Variants in TTC7B observed in about 807,000 individuals in gnomAD.
TTC7B encodes tetratricopeptide repeat protein 7B.
In TTC7B, 28 loss-of-function variants were observed where a neutral mutation model predicts 106.8. That is an observed-to-expected ratio of 0.26 (90% CI 0.19 to 0.36). TTC7B has a LOEUF of 0.36. Among genes scored for constraint, TTC7B ranks in the 10% least tolerant of loss-of-function variants. The probability of loss-of-function intolerance (pLI) is 1.00; values close to 1 mark genes in which losing one functional copy is unlikely to be tolerated. For synonymous variants in TTC7B, 405 were observed against 430.6 expected (o/e 0.94, Z 0.74); for missense variants, 862 against 1,076.4 (o/e 0.80, Z 2.79).
intron 4 of TTC7B, among the ~76,000 whole-genome samples, chr14:90,732,653 C>T (rs1044847102): frequency 1.3e-5 from 2 of 152,194 alleles, no homozygotes; most frequent in Non-Finnish European, 2.9e-5. Flanking sequence ...GCTGAGATTA[C>T]AGGCATGAGC....
intron 6 of TTC7B, among the ~76,000 whole-genome samples, chr14:90,693,344 A>T (rs1420125797): frequency 6.6e-6 from 1 of 152,190 alleles, no homozygotes; most frequent in Non-Finnish European, 1.5e-5. Flanking sequence ...AAAGAATTCA[A>T]GTCAACAGGA....
intron 2 of TTC7B, among the ~76,000 whole-genome samples, chr14:90,781,608 G>A (rs1196456745): frequency 1.3e-5 from 2 of 152,202 alleles, no homozygotes; most frequent in Non-Finnish European, 2.9e-5. Context: ...AGACATCCTG[G>A]TGGGTCTGGC....
At chr14:90,655,361 A>G (rs1885903884) in intron 11 of TTC7B, among the ~76,000 whole-genome samples, 1 of 152,002 alleles carries the variant, frequency 6.6e-6, no homozygotes. Flanking sequence ...AGTTGCTTTC[A>G]TATTTGGTGG....
At chr14:90,549,127 CAAAAA>C (rs34890535) in intron 19 of TTC7B, among the ~76,000 whole-genome samples, 1 of 103,620 alleles carries the variant, frequency 9.7e-6, no homozygotes, top group African/African-American at 3.4e-5. Flanking sequence ...GACTCCGTCT[CAAAAA>C]AAAAAAAAAA....
chr14:90,579,178 T>G (rs746219852), intron 18 of TTC7B, among the ~76,000 whole-genome samples: 28 of 152,240 alleles, frequency 1.8e-4, no homozygotes, highest in Non-Finnish European at 3.4e-4. Flanking sequence ...CACCACCATC[T>G]TTCTAGTCAG....
chr14:90,665,621 C>T (rs10149267), intron 9 of TTC7B, among the ~76,000 whole-genome samples: 34,566 of 152,212 alleles, frequency 0.23, 4,216 homozygotes, highest in Non-Finnish European at 0.28. Context: ...CCAAATCCCA[C>T]TGGGGAGGGG....
intron 1 of TTC7B, among the ~76,000 whole-genome samples, chr14:90,791,627 C>T (rs762343629): frequency 2.6e-5 from 4 of 152,118 alleles, no homozygotes; most frequent in Admixed American, 6.6e-5. Context: ...AGGTGTTGCA[C>T]GCAGCTTCTG....
rs1891731973 is a variant in TTC7B, at chr14:90,795,160, CT to C, written c.122-8833del. On this transcript the variant is annotated intron_variant, in intron 1 of 19. Coordinates refer to ENST00000328459, the MANE Select transcript of TTC7B (RefSeq NM_001010854.2). ...TCAAAACATTAAAGCTAGACTTTTA[CT>C]TCCAGCCAAGAAAGAGTAATAGGGA... Among the ~76,000 whole-genome samples the C allele has an allele frequency of 2.0e-5, 3 of 152,206 alleles. No individual in the cohort carries two copies. The South Asian group carries it at 6.2e-4, about 32-fold the overall frequency.
At chr14:90,715,430 A>C (rs965015085) in intron 5 of TTC7B, among the ~76,000 whole-genome samples, 1 of 152,030 alleles carries the variant, frequency 6.6e-6, no homozygotes, top group East Asian at 1.9e-4. Flanking sequence ...CTTTCCCTCT[A>C]TGGGAGCTGG....
rs573582070 is a variant in TTC7B at position 90,742,953 on chromosome 14, T to C, written c.576+1839A>G. ...GTAAGCAGCAAGATAGGGCCCTAAGTGGCCAGGGCTGTGTAGTCAGCTGGA... is the reference window on the plus strand; with the variant it reads ...GTAAGCAGCAAGATAGGGCCCTAAGCGGCCAGGGCTGTGTAGTCAGCTGGA... On this transcript the variant is annotated intron_variant, in intron 4 of 19. Transcript: ENST00000328459. The surrounding 1 kb of genome is among the most constrained non-coding windows in gnomAD (Gnocchi z 4.1). Among the ~76,000 whole-genome samples, 227 of 152,262 alleles carry C rather than the reference T, an allele frequency of 1.5e-3. 1 individual carries two copies. Among genetic ancestry groups the C allele is most frequent in the African/African-American group, 5.1e-3 (210 of 41,546 alleles).
intron 15 of TTC7B, among the ~76,000 whole-genome samples, chr14:90,619,488 G>T (rs1566802042): frequency 6.6e-6 from 1 of 152,162 alleles, no homozygotes; most frequent in Non-Finnish European, 1.5e-5. Context: ...ACTTAAATAA[G>T]TAAGTCTTCA....
At chr14:90,767,284 G>C (rs1355055054) in intron 3 of TTC7B, among the ~76,000 whole-genome samples, 1 of 152,172 alleles carries the variant, frequency 6.6e-6, no homozygotes. Context: ...AAATTCACTA[G>C]AGGGCTTCAA....
At chr14:90,701,760 G>A (rs1054200562) in intron 5 of TTC7B, among the ~76,000 whole-genome samples, 1 of 144,260 alleles carries the variant, frequency 6.9e-6, no homozygotes, top group Non-Finnish European at 1.5e-5. Flanking sequence ...GTGTGTGTGT[G>A]TATATATGTG....
intron 19 of TTC7B, among the ~76,000 whole-genome samples, chr14:90,543,359 C>T (rs1889685485): frequency 6.6e-6 from 1 of 152,156 alleles, no homozygotes; most frequent in South Asian, 2.1e-4. Context: ...TCCTACTTTG[C>T]TAGACACAAA....
At chr14:90,740,662 T>C in intron 4 of TTC7B, among the ~76,000 whole-genome samples, 1 of 151,870 alleles carries the variant, frequency 6.6e-6, no homozygotes, top group African/African-American at 2.4e-5. Flanking sequence ...CCACCATGCC[T>C]GGCTAATTTT....
chr14:90,766,016 T>A (rs1451322303), intron 3 of TTC7B, among the ~76,000 whole-genome samples: 1 of 151,944 alleles, frequency 6.6e-6, no homozygotes, highest in Non-Finnish European at 1.5e-5. Context: ...ACTACATACA[T>A]GGGGAAAATT....
intron 6 of TTC7B, among the ~76,000 whole-genome samples, chr14:90,694,786 T>G (rs1325643530): frequency 7.1e-6 from 1 of 141,326 alleles, no homozygotes; most frequent in East Asian, 2.0e-4. Context: ...TATGTATATT[T>G]TATATACATT....
rs1595053925 is a variant in TTC7B at position 90,807,145 on chromosome 14, C to G, written c.121+9030G>C. Among the ~76,000 whole-genome samples, 1 of 152,242 alleles carries G rather than the reference C, an allele frequency of 6.6e-6. No homozygotes were observed. Among genetic ancestry groups the G allele is most frequent in the East Asian group, 1.9e-4 (1 of 5,178 alleles). ...GACTCAGGACTTTGGATGCTACAACCAGAAAAGTCTCAGGCCAACCAGGAC... is the reference window on the plus strand; with the variant it reads ...GACTCAGGACTTTGGATGCTACAACGAGAAAAGTCTCAGGCCAACCAGGAC... On this transcript the variant is annotated intron_variant, in intron 1 of 19. Transcript: ENST00000328459. This position sits in a 1 kb window ranked among gnomAD's most constrained non-coding sequence, Gnocchi z 4.1.
chr14:90,677,312 AC>A (rs1468726547), intron 8 of TTC7B, among the ~76,000 whole-genome samples: 1 of 152,238 alleles, frequency 6.6e-6, no homozygotes, highest in Non-Finnish European at 1.5e-5. Context: ...AAAGATATTA[AC>A]ACAGAGGACT....
Sources: allele counts gnomAD v4.1 joint callset (sites outside exome capture counted in the v4.1 genomes callset), GRCh38; gene constraint gnomAD v4.1.1; non-coding constraint Gnocchi (gnomAD v3.1); transcripts MANE v1.5; gene names NCBI Gene and HGNC (gene_info 2026-07-23, HGNC 2026-07-21).